Variants in FIBCD1 observed in about 807,000 individuals in gnomAD.
The protein encoded by FIBCD1 is fibrinogen C domain containing 1.
FIBCD1 carries 47 observed loss-of-function variants against 45.1 expected under a neutral mutation model. The observed-to-expected ratio is 1.04, with a 90% CI of 0.82 to 1.33. FIBCD1 has a LOEUF of 1.33. Ranked by LOEUF, FIBCD1 falls within the 40% of genes most tolerant of loss-of-function variation. The pLI is 0.00. For missense variants in FIBCD1, 653 were observed against 682.2 expected, an observed-to-expected ratio of 0.96 and a Z score of 0.48; for synonymous variants, 313 against 308.1, an observed-to-expected ratio of 1.02 and a Z score of -0.17.
chr9:130,917,422 T>C lies in FIBCD1; in HGVS notation c.850-5534A>G, dbSNP rs540527653. On this transcript the variant is annotated intron_variant, in intron 4 of 6. Coordinates refer to ENST00000372338, the MANE Select transcript of FIBCD1 (RefSeq NM_032843.5). ...GGTCCTGCAGATGGTGCTGGGCGGG[T>C]TCAAAGGAAGGAGTGACGGCTCTGG... Among the ~76,000 whole-genome samples, 7 of 151,666 alleles carry C rather than the reference T, an allele frequency of 4.6e-5. No homozygotes were observed. In the East Asian group the frequency reaches 1.2e-3, roughly 25 times the overall value.
intron 1 of FIBCD1, among the ~76,000 whole-genome samples, chr9:130,935,983 G>A (rs906095336): frequency 7.9e-5 from 12 of 152,230 alleles, no homozygotes; most frequent in African/African-American, 1.4e-4. Context: ...TTCAGATGGC[G>A]TTTCCTGGGG....
chr9:130,925,046 G>T (rs1832335614), intron 2 of FIBCD1, among the ~76,000 whole-genome samples: 1 of 152,194 alleles, frequency 6.6e-6, no homozygotes, highest in Admixed American at 6.5e-5. Context: ...TGACAGAGGG[G>T]TGCCCTGAGG....
At chr9:130,920,272 G>A (rs1233970668) in intron 4 of FIBCD1, among the ~76,000 whole-genome samples, 1 of 151,972 alleles carries the variant, frequency 6.6e-6, no homozygotes, top group Non-Finnish European at 1.5e-5. Context: ...GCCTCCCCTT[G>A]ATTATAAGAT....
At chr9:130,939,633 ACCAGCCGCTCCGCGCTCGGCCGCGCTC>A (rs534142590), upstream of FIBCD1, among the ~76,000 whole-genome samples, 208 of 151,928 alleles carry the variant, frequency 1.4e-3, no homozygotes, top group African/African-American at 4.8e-3. Context: ...GGTCGCGAGT[ACCAGCCGCTCCGCGCTCGGCCGCGCTC>A]CCGGCCGATC....
intron 4 of FIBCD1, among the ~76,000 whole-genome samples, chr9:130,912,570 G>C (rs1448882587): frequency 6.6e-6 from 1 of 151,982 alleles, no homozygotes; most frequent in East Asian, 1.9e-4. Context: ...AGCCAGGCTT[G>C]GTGGCATGCA....
Position 130,929,897 on chromosome 9 carries a change from G to A in FIBCD1, c.222C>T (p.Ser74=), listed in dbSNP as rs774901415. 11 of 1,549,402 alleles carry A rather than the reference G, an allele frequency of 7.1e-6. No homozygotes were observed. Among genetic ancestry groups the A allele is most frequent in the South Asian group, 3.6e-5 (3 of 84,010 alleles). The change falls in exon 2 of 7, where the codon AGC becomes AGT. Residue 74 remains serine, a synonymous_variant. Transcript: ENST00000372338. ...PPPVVSTGAA[S]ANSALVTVER... The stretch of plus-strand genomic sequence containing the variant: ...CCACAGTGACCAGGGCGCTGTTGGC[G>A]CTGGCAGCCCCAGTGCTGACGACAG...
Position 130,936,015 on chromosome 9 carries a change from C to T in FIBCD1, c.72+2521G>A, listed in dbSNP as rs543705501. Among the ~76,000 whole-genome samples the T allele has an allele frequency of 3.9e-5, 6 of 152,330 alleles. No homozygotes were observed. The South Asian group carries it at 1.0e-3, about 26-fold the overall frequency. ...GGGGGGCAGAGAGGAGACCGGGACA[C>T]AGCCAGCCTGTGGAAGGGACAGGCT... On this transcript the variant is annotated intron_variant, in intron 1 of 6. Transcript: ENST00000372338.
chr9:130,922,418 T>C lies in FIBCD1; in HGVS notation c.849+1326A>G, dbSNP rs1254362246. Among the ~76,000 whole-genome samples the C allele has an allele frequency of 6.6e-6, 1 of 152,078 alleles. No homozygotes were observed. The highest frequency in any genetic ancestry group is 6.5e-5 in the Admixed American group (1 of 15,270). On this transcript the variant is annotated intron_variant, in intron 4 of 6. Coordinates refer to ENST00000372338, the MANE Select transcript of FIBCD1 (RefSeq NM_032843.5). This position sits in a 1 kb window ranked among gnomAD's most constrained non-coding sequence, Gnocchi z 4.5. ...CAGTTAAGAGGTCTAAGGATGTAGGTGGGCATCCCCGTTTCACAGCTGAGG... is the reference window on the plus strand; with the variant it reads ...CAGTTAAGAGGTCTAAGGATGTAGGCGGGCATCCCCGTTTCACAGCTGAGG...
At position 130,939,097 on chromosome 9, in the gene FIBCD1, C is replaced by CG. The variant is rs1248743588; in HGVS notation, c.-491dup. The CG allele has an allele frequency of 2.0e-5, 3 of 152,132 alleles. No homozygotes were observed. Among genetic ancestry groups the CG allele is most frequent in the African/African-American group, 7.2e-5 (3 of 41,438 alleles). 9.4% of individuals were successfully genotyped at this position (152,132 alleles called of 1,614,324 possible). Reference sequence around the variant, plus strand: ...AGGCCGAACTGGCCCCCAGATAACGCGGCCGGCCGGAGGGCAGCAAACAGC... The same window carrying CG: ...AGGCCGAACTGGCCCCCAGATAACGCGGGCCGGCCGGAGGGCAGCAAACAGC... On this transcript the variant is annotated 5_prime_UTR_variant, in exon 1 of 7. The change abolishes the stop of an existing upstream ORF in the 5' untranslated region. Coordinates refer to ENST00000372338, the MANE Select transcript of FIBCD1 (RefSeq NM_032843.5).
Position 130,929,703 on chromosome 9 carries a change from G to A in FIBCD1, c.416C>T (p.Thr139Met), listed in dbSNP as rs772887389. The A allele has an allele frequency of 5.6e-6, 9 of 1,602,402 alleles. No homozygotes were observed. The highest frequency in any genetic ancestry group is 2.2e-5 in the East Asian group (1 of 44,488). Residue 139 changes from threonine (T) to methionine (M), a missense_variant, in exon 2 of 7, where the codon ACG becomes ATG. Transcript: ENST00000372338. ...VGDQEQELLD[T>M]LADQLPRLLA... ...CAGCCGGGGCAGCTGGTCGGCCAGCGTGTCCAGCAGCTCCTGCTCCTGGTC... is the reference window on the plus strand; with the variant it reads ...CAGCCGGGGCAGCTGGTCGGCCAGCATGTCCAGCAGCTCCTGCTCCTGGTC...
intron 5 of FIBCD1, among the ~76,000 whole-genome samples, chr9:130,910,927 G>A (rs1265390832): frequency 6.6e-6 from 1 of 152,166 alleles, no homozygotes; most frequent in Non-Finnish European, 1.5e-5. Flanking sequence ...AATCTGATGG[G>A]GAGGTGGAGA....
intron 1 of FIBCD1, 22 bp downstream of exon 1, chr9:130,938,514 G>T: frequency 1.3e-6 from 2 of 1,482,006 alleles, no homozygotes; most frequent in Non-Finnish European, 1.8e-6. Context: ...CCCAGGCCCC[G>T]TGTCCCAGCG....
intron 2 of FIBCD1, among the ~76,000 whole-genome samples, chr9:130,928,250 G>A (rs1463253365): frequency 1.3e-5 from 2 of 152,222 alleles, no homozygotes; most frequent in African/African-American, 2.4e-5. Context: ...GGAATACTCT[G>A]TACCTCTGCG....
intron 3 of FIBCD1, 44 bp from the exon 4 acceptor site, chr9:130,923,924 T>A: frequency 6.2e-7 from 1 of 1,610,160 alleles, no homozygotes; most frequent in Non-Finnish European, 8.5e-7. Context: ...CCCCAGCACG[T>A]TCCTGCCCAG....
At chr9:130,915,010 G>A (rs1282424317) in intron 4 of FIBCD1, among the ~76,000 whole-genome samples, 1 of 152,238 alleles carries the variant, frequency 6.6e-6, no homozygotes, top group African/African-American at 2.4e-5. Context: ...AAAAGCGGGG[G>A]CCGACTACAT....
At chr9:130,937,428 G>C (rs1418837466) in intron 1 of FIBCD1, among the ~76,000 whole-genome samples, 31 of 152,292 alleles carry the variant, frequency 2.0e-4, no homozygotes, top group Non-Finnish European at 1.5e-5. Context: ...GGAGAAGTGA[G>C]GTAGTGCCGA....
Position 130,929,710 on chromosome 9 carries a change from G to T in FIBCD1, c.409C>A (p.Leu137Met). The T allele has an allele frequency of 6.2e-7, 1 of 1,600,560 alleles. No individual in the cohort carries two copies. Among genetic ancestry groups the T allele is most frequent in the African/African-American group, 1.3e-5 (1 of 74,724 alleles). The change falls in exon 2 of 7, where the codon CTG (leucine) becomes ATG (methionine). Residue 137 changes from leucine to methionine, a missense_variant. Leu to Met is a conservative substitution (Grantham distance 15). Transcript: ENST00000372338. ...GGCAGCTGGTCGGCCAGCGTGTCCA[G>T]CAGCTCCTGCTCCTGGTCGCCCACC... ...RLVGDQEQEL[L>M]DTLADQLPRL... is the part of the protein sequence containing the mutation.
In FIBCD1 at chr9:130,911,864, A is replaced by G. The variant is rs1564334391; in HGVS notation, c.874T>C (p.Ser292Pro). Residue 292 changes from serine (S) to proline (P), a missense_variant, in exon 5 of 7, where the codon TCC becomes CCC. Transcript: ENST00000372338. ...TCCCAGCCCCGGAAGAAGTTCACGG[A>G]GCCGTCCTCCCGGCGCTGAAACACC... ...WTVFQRREDG[S>P]VNFFRGWDAY... The G allele has an allele frequency of 6.3e-7, 1 of 1,596,160 alleles. No homozygotes were observed. Among genetic ancestry groups the G allele is most frequent in the African/African-American group, 1.3e-5 (1 of 74,314 alleles).
rs1348391151 is a variant in FIBCD1 at position 130,922,193 on chromosome 9, G to A, written c.849+1551C>T. ...CCTGGACATCAATACACCAAAAATAGTCAGCACCAAGATCCCAGGCGAGAT... is the reference window on the plus strand; with the variant it reads ...CCTGGACATCAATACACCAAAAATAATCAGCACCAAGATCCCAGGCGAGAT... On this transcript the variant is annotated intron_variant, in intron 4 of 6. Transcript: ENST00000372338. This position sits in a 1 kb window ranked among gnomAD's most constrained non-coding sequence, Gnocchi z 4.5. Among the ~76,000 whole-genome samples the A allele has an allele frequency of 6.6e-6, 1 of 152,146 alleles. No homozygotes were observed. The highest frequency in any genetic ancestry group is 1.5e-5 in the Non-Finnish European group (1 of 68,032).
Sources: allele counts gnomAD v4.1 joint callset (sites outside exome capture counted in the v4.1 genomes callset), GRCh38; gene constraint gnomAD v4.1.1; non-coding constraint Gnocchi (gnomAD v3.1); transcripts MANE v1.5; gene names NCBI Gene and HGNC (gene_info 2026-07-23, HGNC 2026-07-21).